DOCK4: variants seen among roughly 807,000 people sequenced by gnomAD.
The protein encoded by DOCK4 is dedicator of cytokinesis protein 4.
DOCK4 carries 97 observed loss-of-function variants against 268.1 expected under a neutral mutation model. The observed-to-expected ratio is 0.36, with a 90% CI of 0.31 to 0.43. DOCK4 has a LOEUF of 0.43. Ranked by LOEUF, DOCK4 falls within the 20% of genes least tolerant of loss-of-function variation. The pLI is 1.00. For synonymous variants in DOCK4, 954 were observed against 887.2 expected, an observed-to-expected ratio of 1.08 and a Z score of -1.34; for missense variants, 2,145 against 2,455.7, an observed-to-expected ratio of 0.87 and a Z score of 2.67.
intron 25 of DOCK4, among the ~76,000 whole-genome samples, chr7:111,835,810 G>A (rs1019478967): frequency 2.0e-5 from 3 of 152,032 alleles, no homozygotes; most frequent in South Asian, 2.1e-4. Context: ...ATGTATCCTC[G>A]CCCACTGCCA....
At chr7:112,200,610 A>T (rs1225449782) in intron 1 of DOCK4, among the ~76,000 whole-genome samples, 1 of 152,018 alleles carries the variant, frequency 6.6e-6, no homozygotes. Context: ...TATCAAACAT[A>T]ACTCAGAAAA....
chr7:111,868,079 CTTCGTTT>C lies in DOCK4; in HGVS notation c.2178_2184del (p.Asn727ArgfsTer36). 6.2e-7 allele frequency: 1 copy of C among 1,613,708 alleles called. No individual in the cohort carries two copies. Among genetic ancestry groups the C allele is most frequent in the Non-Finnish European group, 8.5e-7 (1 of 1,179,754 alleles). ...TCCTGAATGCAGCAGCGGAACTCCTCTTCGTTTTGCCCACCAGTGGCAAGGGAAAACA... is the reference window on the plus strand; with the variant it reads ...TCCTGAATGCAGCAGCGGAACTCCTCTGCCCACCAGTGGCAAGGGAAAACA... On this transcript the variant is annotated frameshift_variant, in exon 22 of 53. Coordinates refer to ENST00000428084, the MANE Select transcript of DOCK4 (RefSeq NM_001363540.2). LOFTEE classifies it high-confidence loss of function.
chr7:111,739,900 G>A (rs1268611943), intron 47 of DOCK4: 1 of 298,704 alleles, frequency 3.3e-6, no homozygotes, highest in Non-Finnish European at 6.6e-6. Context: ...ATAGTGGTGA[G>A]GAAAATTTCA....
At chr7:112,153,356 G>C (rs1197669928) in intron 1 of DOCK4, among the ~76,000 whole-genome samples, 1 of 152,098 alleles carries the variant, frequency 6.6e-6, no homozygotes, top group Non-Finnish European at 1.5e-5. Context: ...TTAATAGTCA[G>C]CACAACTTTG....
At position 111,935,597 on chromosome 7, in the gene DOCK4, G is replaced by T. The variant is rs753575232; in HGVS notation, c.1009C>A (p.His337Asn). ...CNTESEWYQI[H>N]ENIIKKLNAR... is the part of the protein sequence containing the mutation. ...TTCAGCTTTTTGATGATGTTCTCAT[G>T]GATTTGGTACCACTCACTCTCTGTG... Residue 337 changes from histidine to asparagine, a missense_variant, in exon 12 of 53, where the codon CAT becomes AAT. By Grantham distance (68) the His-to-Asn change is moderately conservative. This residue lies in a region of DOCK4 where 1,598 missense variants were observed against 1,986.7 expected (regional missense o/e 0.80). Coordinates refer to ENST00000428084, the MANE Select transcript of DOCK4 (RefSeq NM_001363540.2). The T allele has an allele frequency of 6.2e-7, 1 of 1,613,914 alleles. No individual in the cohort carries two copies. Among genetic ancestry groups the T allele is most frequent in the South Asian group, 1.1e-5 (1 of 91,072 alleles).
At chr7:112,129,759 T>G (rs989056910) in intron 1 of DOCK4, among the ~76,000 whole-genome samples, 1 of 152,142 alleles carries the variant, frequency 6.6e-6, no homozygotes, top group African/African-American at 2.4e-5. Flanking sequence ...CTCATTCATA[T>G]GTAGAAATCT....
At chr7:111,954,581 C>G (rs1467425641) in intron 8 of DOCK4, among the ~76,000 whole-genome samples, 1 of 152,158 alleles carries the variant, frequency 6.6e-6, no homozygotes, top group African/African-American at 2.4e-5. Flanking sequence ...CAGCGTGCGT[C>G]AGCAAGATAG....
Position 111,993,259 on chromosome 7 carries a change from G to A in DOCK4, c.315+876C>T, listed in dbSNP as rs569124205. 3.9e-5 allele frequency among the ~76,000 whole-genome samples: 6 copies of A among 152,238 alleles called. No individual in the cohort carries two copies. In the South Asian group the frequency reaches 8.3e-4, roughly 21 times the overall value. On this transcript the variant is annotated intron_variant, in intron 5 of 52. Coordinates refer to ENST00000428084, the MANE Select transcript of DOCK4 (RefSeq NM_001363540.2). The stretch of plus-strand genomic sequence containing the variant: ...TTTCCTCGACAGGCTGTTTTAAATC[G>A]TTTTGTCAGGATAAGCACACGTTTG...
At chr7:112,139,764 C>A (rs1314406463) in intron 1 of DOCK4, among the ~76,000 whole-genome samples, 2 of 152,104 alleles carry the variant, frequency 1.3e-5, no homozygotes, top group African/African-American at 2.4e-5. Flanking sequence ...AAATCATTAT[C>A]TTTTTTGTAA....
In DOCK4 at chr7:111,992,714, T is replaced by C. The variant is rs7806857; in HGVS notation, c.315+1421A>G. 9.1e-3 allele frequency among the ~76,000 whole-genome samples: 1,379 copies of C among 152,326 alleles called. 21 individuals are homozygous for C. Among genetic ancestry groups the C allele is most frequent in the African/African-American group, 0.031 (1,269 of 41,576 alleles). ...CAACTTTGTTCCCCACTAGTAGCTA[T>C]ATAAAAGGAAAAGTGTTTGTGTTCT... On this transcript the variant is annotated intron_variant, in intron 5 of 52. Coordinates refer to ENST00000428084, the MANE Select transcript of DOCK4 (RefSeq NM_001363540.2).
chr7:111,814,782 C>T (rs1002172205), intron 27 of DOCK4, among the ~76,000 whole-genome samples: 5 of 152,208 alleles, frequency 3.3e-5, no homozygotes, highest in Non-Finnish European at 7.3e-5. Context: ...CTTATCAGGG[C>T]TGCCTTACCA....
chr7:111,906,487 A>T (rs189490522), intron 13 of DOCK4, among the ~76,000 whole-genome samples: 1 of 152,156 alleles, frequency 6.6e-6, no homozygotes, highest in Non-Finnish European at 1.5e-5. Flanking sequence ...GAAAACCACC[A>T]CTAGGAACCA....
At chr7:111,953,928 T>C (rs1355108966) in intron 8 of DOCK4, among the ~76,000 whole-genome samples, 1 of 152,222 alleles carries the variant, frequency 6.6e-6, no homozygotes, top group East Asian at 1.9e-4. Context: ...CCCTAGAGAC[T>C]TCAAGTCCTG....
chr7:111,855,890 G>C (rs1192510882), intron 23 of DOCK4, among the ~76,000 whole-genome samples: 2 of 152,116 alleles, frequency 1.3e-5, no homozygotes, highest in Non-Finnish European at 2.9e-5. Context: ...ATAAATATTT[G>C]TTGAATGAAT....
In DOCK4 at chr7:111,783,970, C is replaced by T. The variant is rs555766118; in HGVS notation, c.3429-18G>A. 3.8e-6 allele frequency: 6 copies of T among 1,584,540 alleles called. No homozygotes were observed. The highest frequency in any genetic ancestry group is 2.3e-5 in the East Asian group (1 of 43,540). On this transcript the variant is annotated intron_variant, in intron 33 of 52. Coordinates refer to ENST00000428084, the MANE Select transcript of DOCK4 (RefSeq NM_001363540.2). ...TTAGTAGACTGGAAAAGAAAGAACC[C>T]GGGGCATTTTCAACATTTATTTTTA...
intron 36 of DOCK4, among the ~76,000 whole-genome samples, chr7:111,770,307 G>T (rs1357355002): frequency 6.6e-6 from 1 of 151,888 alleles, no homozygotes; most frequent in African/African-American, 2.4e-5. Context: ...GAGGAGTGGG[G>T]GGAGTGTGTG....
chr7:112,035,109 C>T (rs948213146), intron 1 of DOCK4, among the ~76,000 whole-genome samples: 1 of 152,122 alleles, frequency 6.6e-6, no homozygotes, highest in Admixed American at 6.6e-5. Flanking sequence ...CCTACCCTCA[C>T]ACCCTTGGAT....
chr7:112,116,086 T>C (rs1812135952), intron 1 of DOCK4, among the ~76,000 whole-genome samples: 1 of 152,136 alleles, frequency 6.6e-6, no homozygotes. Context: ...TGTGCAACCA[T>C]CCCCATCATC....
At chr7:112,052,900 C>A (rs1271329587) in intron 1 of DOCK4, among the ~76,000 whole-genome samples, 1 of 152,146 alleles carries the variant, frequency 6.6e-6, no homozygotes, top group Non-Finnish European at 1.5e-5. Flanking sequence ...TAAAGTCAGT[C>A]TGTTTTCAAA....
Sources: gnomAD v4.1 joint callset for allele counts (sites outside exome capture counted in the v4.1 genomes callset) on GRCh38, gnomAD v4.1.1 for gene constraint, gnomAD v4.1.1 regional missense constraint, MANE v1.5 for transcripts, NCBI Gene and HGNC (gene_info 2026-07-23, HGNC 2026-07-21) for gene names.